PGR: variants seen among roughly 807,000 people sequenced by gnomAD.
PGR encodes progesterone receptor, also known as nuclear receptor subfamily 3 group C member 3.
Under a neutral mutation model 76.1 loss-of-function variants are expected in PGR, and 25 were observed. The observed-to-expected ratio is 0.33, with a 90% CI of 0.24 to 0.46. The LOEUF (loss-of-function observed/expected upper bound fraction) is 0.46, where lower values mean the gene tolerates loss of function less well. Among genes scored for constraint, PGR ranks in the 20% least tolerant of loss-of-function variants. The pLI, the probability that PGR is intolerant of heterozygous loss-of-function variation, is 1.00. For missense variants in PGR, 1,172 were observed against 1,225.3 expected, an observed-to-expected ratio of 0.96 and a Z score of 0.65; for synonymous variants, 579 against 535.0, an observed-to-expected ratio of 1.08 and a Z score of -1.14.
chr11:101,111,832 CCA>C (rs1862354806), intron 2 of PGR, among the ~76,000 whole-genome samples: 1 of 152,054 alleles, frequency 6.6e-6, no homozygotes, highest in African/African-American at 2.4e-5. Flanking sequence ...GGTGGTTTAT[CCA>C]CAGTTTGGAG....
At chr11:101,115,822 G>A (rs1862487872) in intron 2 of PGR, among the ~76,000 whole-genome samples, 1 of 152,002 alleles carries the variant, frequency 6.6e-6, no homozygotes, top group South Asian at 2.1e-4. Context: ...AATTTTCAGG[G>A]CTGCTACATT....
intron 3 of PGR, among the ~76,000 whole-genome samples, chr11:101,088,423 C>A (rs1861566218): frequency 6.6e-6 from 1 of 152,118 alleles, no homozygotes; most frequent in African/African-American, 2.4e-5. Flanking sequence ...GCTCCGCCTC[C>A]CAGGTTCATG....
intron 6 of PGR, among the ~76,000 whole-genome samples, chr11:101,043,161 C>T (rs989089503): frequency 2.6e-5 from 4 of 152,208 alleles, no homozygotes; most frequent in African/African-American, 4.8e-5. Context: ...AGTCAATCCT[C>T]TTAAGTCCTG....
rs1350562944 is a variant in PGR, at chr11:101,126,255, T to C, written c.1638-97A>G. 1.0e-5 allele frequency: 12 copies of C among 1,159,524 alleles called. No individual in the cohort carries two copies. In the East Asian group the frequency reaches 3.0e-4, roughly 29 times the overall value. The allele number at this position is 1,159,524 out of a possible 1,614,324, so 71.8% of individuals were successfully genotyped here. A position where few individuals can be genotyped will look rare whatever the true frequency, so the allele number is the denominator to read the frequency against. ...CCAGTATTAACAGGGTGAAAGGAGATTTTAAAAACAGAACTGTATATATAC... is the reference window on the plus strand; with the variant it reads ...CCAGTATTAACAGGGTGAAAGGAGACTTTAAAAACAGAACTGTATATATAC... On this transcript the variant is annotated intron_variant, in intron 1 of 7. Transcript: ENST00000325455.
chr11:101,113,968 G>C (rs1862423778), intron 2 of PGR, among the ~76,000 whole-genome samples: 1 of 152,120 alleles, frequency 6.6e-6, no homozygotes, highest in African/African-American at 2.4e-5. Context: ...ATCCAAAGTG[G>C]CCTCTGGATG....
intron 3 of PGR, among the ~76,000 whole-genome samples, chr11:101,080,310 GC>G (rs1379151203): frequency 6.6e-6 from 1 of 152,004 alleles, no homozygotes; most frequent in Admixed American, 6.6e-5. Flanking sequence ...GACCTGCAGA[GC>G]CCAGTATAAA....
In PGR at chr11:101,030,486, C is replaced by T; in HGVS notation, c.*8630G>A. ...TAGATGAAGAGTCTCACCCTCTTGA[C>T]AGAAAACCTCATATGAATACCCAAA... On this transcript the variant is annotated 3_prime_UTR_variant, in exon 8 of 8. Transcript: ENST00000325455. 1 of 231,132 alleles carries T rather than the reference C, an allele frequency of 4.3e-6. No individual in the cohort carries two copies. The highest frequency in any genetic ancestry group is 8.6e-6 in the Non-Finnish European group (1 of 116,756). The allele number at this position is 231,132 out of a possible 1,614,324, so 14.3% of individuals were successfully genotyped here.
intron 3 of PGR, among the ~76,000 whole-genome samples, chr11:101,070,493 A>AG (rs1391671229): frequency 1.3e-5 from 2 of 152,146 alleles, no homozygotes; most frequent in Non-Finnish European, 2.9e-5. Context: ...CTCCCCTGGA[A>AG]GGGGGGCTGA....
At chr11:101,095,201 T>C (rs1221083252) in intron 2 of PGR, among the ~76,000 whole-genome samples, 4 of 152,252 alleles carry the variant, frequency 2.6e-5, no homozygotes, top group African/African-American at 9.6e-5. Context: ...TATAAAACTC[T>C]CATTCATTCA....
intron 3 of PGR, among the ~76,000 whole-genome samples, chr11:101,082,870 C>A (rs1431681826): frequency 6.6e-6 from 1 of 151,950 alleles, no homozygotes; most frequent in African/African-American, 2.4e-5. Context: ...AAGAGAGAGA[C>A]AAAAAAACAT....
intron 3 of PGR, among the ~76,000 whole-genome samples, chr11:101,082,567 T>C (rs907708959): frequency 4.3e-5 from 6 of 140,020 alleles, no homozygotes; most frequent in African/African-American, 1.2e-4. Context: ...GAGGAACTTA[T>C]TGGGAACTGG....
chr11:101,112,097 T>C (rs917718603), intron 2 of PGR, among the ~76,000 whole-genome samples: 1 of 152,150 alleles, frequency 6.6e-6, no homozygotes, highest in African/African-American at 2.4e-5. Flanking sequence ...CAATTGCCCA[T>C]AAGATTTAGT....
At chr11:101,046,903 C>G (rs1859906437) in intron 6 of PGR, among the ~76,000 whole-genome samples, 2 of 152,072 alleles carry the variant, frequency 1.3e-5, no homozygotes, top group African/African-American at 4.8e-5. Flanking sequence ...CAGCAGCTTT[C>G]TAATTCCCTG....
At chr11:101,104,944 G>A (rs896328019) in intron 2 of PGR, among the ~76,000 whole-genome samples, 2 of 152,136 alleles carry the variant, frequency 1.3e-5, no homozygotes, top group East Asian at 1.9e-4. Context: ...ACCAAAGTTT[G>A]TTATGTTTCA....
intron 3 of PGR, among the ~76,000 whole-genome samples, chr11:101,064,253 C>T (rs981689932): frequency 7.2e-6 from 1 of 139,682 alleles, no homozygotes; most frequent in Non-Finnish European, 1.5e-5. Flanking sequence ...ATCACTTGAA[C>T]CCAGGAGGCA....
At chr11:101,074,393 A>G (rs538864115) in intron 3 of PGR, among the ~76,000 whole-genome samples, 2 of 152,354 alleles carry the variant, frequency 1.3e-5, no homozygotes, top group East Asian at 3.9e-4. Flanking sequence ...AAAAGCTGAA[A>G]GCATTCCCTT....
chr11:101,100,180 G>T (rs930592550), intron 2 of PGR, among the ~76,000 whole-genome samples: 7 of 152,122 alleles, frequency 4.6e-5, no homozygotes, highest in Admixed American at 1.3e-4. Context: ...AATCATGGGG[G>T]TGGTTTCCCC....
chr11:101,099,599 T>C (rs1214107014), intron 2 of PGR, among the ~76,000 whole-genome samples: 9 of 152,188 alleles, frequency 5.9e-5, no homozygotes, highest in African/African-American at 1.2e-4. Flanking sequence ...CTAGAGAGTA[T>C]TGTGATCCAA....
Position 101,105,286 on chromosome 11 carries a change from C to G in PGR, c.1790-13410G>C, listed in dbSNP as rs141741335. On this transcript the variant is annotated intron_variant, in intron 2 of 7. Transcript: ENST00000325455. ...TATTTTAACAGTATCACAATGGCTT[C>G]TAAGTCGAGGGCAGACTCTCAACCT... 3.3e-5 allele frequency among the ~76,000 whole-genome samples: 5 copies of G among 152,184 alleles called. No individual in the cohort carries two copies. In the East Asian group the frequency reaches 7.7e-4, roughly 24 times the overall value.
Sources: gnomAD v4.1 joint callset for allele counts (sites outside exome capture counted in the v4.1 genomes callset) on GRCh38, gnomAD v4.1.1 for gene constraint, MANE v1.5 for transcripts, NCBI Gene and HGNC (gene_info 2026-07-23, HGNC 2026-07-21) for gene names.